Variants in SPATA17 observed in about 807,000 individuals in gnomAD.
The protein encoded by SPATA17 is spermatogenesis associated 17, also known as spermatogenesis-associated protein 17.
In SPATA17, 53 loss-of-function variants were observed where a neutral mutation model predicts 62.2. The observed-to-expected ratio is 0.85, with a 90% CI of 0.68 to 1.07. The LOEUF is 1.07. Ranked by LOEUF, SPATA17 falls within the 50% of genes least tolerant of loss-of-function variation. The probability of loss-of-function intolerance (pLI) is 0.00; values close to 1 mark genes in which losing one functional copy is unlikely to be tolerated. For missense variants in SPATA17, 466 were observed against 425.5 expected, an observed-to-expected ratio of 1.10 and a Z score of -0.84; for synonymous variants, 146 against 146.8, an observed-to-expected ratio of 0.99 and a Z score of 0.04.
intron 1 of SPATA17, among the ~76,000 whole-genome samples, chr1:217,637,155 T>G (rs962275179): frequency 9.2e-5 from 14 of 152,198 alleles, no homozygotes; most frequent in African/African-American, 3.1e-4. Flanking sequence ...TTATTGAATA[T>G]CTACTACATG....
chr1:217,662,818 T>C (rs189926816), intron 3 of SPATA17, among the ~76,000 whole-genome samples: 27 of 152,296 alleles, frequency 1.8e-4, no homozygotes, highest in African/African-American at 6.0e-4. Flanking sequence ...TATTTTTAGA[T>C]GAGAAAATGC....
intron 1 of SPATA17, among the ~76,000 whole-genome samples, chr1:217,635,114 T>C (rs1669907478): frequency 6.6e-6 from 1 of 152,214 alleles, no homozygotes; most frequent in African/African-American, 2.4e-5. Flanking sequence ...TTTCATCAAA[T>C]CTGTCAAATT....
At chr1:217,771,668 G>C (rs1467477844) in intron 6 of SPATA17, among the ~76,000 whole-genome samples, 1 of 152,050 alleles carries the variant, frequency 6.6e-6, no homozygotes, top group Non-Finnish European at 1.5e-5. Flanking sequence ...GACTTTAAAT[G>C]ATACATTTGA....
chr1:217,832,755 C>A (rs1048321083), intron 9 of SPATA17, among the ~76,000 whole-genome samples: 2 of 151,968 alleles, frequency 1.3e-5, no homozygotes, highest in African/African-American at 4.8e-5. Context: ...CCAGCCTGGG[C>A]AACATTGCAA....
intron 6 of SPATA17, among the ~76,000 whole-genome samples, chr1:217,761,982 T>C (rs2102963678): frequency 6.6e-6 from 1 of 152,300 alleles, no homozygotes; most frequent in East Asian, 1.9e-4. Flanking sequence ...GCATTCTCCG[T>C]CCTCATGCTG....
chr1:217,814,482 A>G (rs1282259647), intron 9 of SPATA17, among the ~76,000 whole-genome samples: 1 of 152,130 alleles, frequency 6.6e-6, no homozygotes, highest in African/African-American at 2.4e-5. Flanking sequence ...TAGTTTGCCT[A>G]TGAAATTTTC....
At chr1:217,784,884 T>C (rs1673821520) in intron 8 of SPATA17, 1 of 152,090 alleles carries the variant, frequency 6.6e-6, no homozygotes, top group Non-Finnish European at 1.5e-5. Flanking sequence ...AAAAGACAAT[T>C]TTTCTAAGTG....
intron 8 of SPATA17, among the ~76,000 whole-genome samples, chr1:217,795,872 C>T (rs1446027565): frequency 6.6e-6 from 1 of 151,980 alleles, no homozygotes; most frequent in Non-Finnish European, 1.5e-5. Flanking sequence ...GATCGTGACT[C>T]ACGGCAGCTT....
intron 6 of SPATA17, among the ~76,000 whole-genome samples, chr1:217,750,505 A>T (rs1457832427): frequency 6.6e-6 from 1 of 152,182 alleles, no homozygotes; most frequent in African/African-American, 2.4e-5. Context: ...AGTCACTGCT[A>T]TTTAGTATCA....
intron 9 of SPATA17, among the ~76,000 whole-genome samples, chr1:217,842,855 C>T (rs1001795380): frequency 2.0e-5 from 3 of 151,742 alleles, no homozygotes; most frequent in Admixed American, 6.6e-5. Flanking sequence ...TTATTTTCAC[C>T]CTTTATTTTT....
chr1:217,718,147 A>G (rs1433642566), intron 5 of SPATA17, among the ~76,000 whole-genome samples: 2 of 152,222 alleles, frequency 1.3e-5, no homozygotes, highest in East Asian at 3.9e-4. Flanking sequence ...AAGAGCTATC[A>G]ATACAGTAAA....
chr1:217,701,746 G>T (rs541913945), intron 5 of SPATA17, among the ~76,000 whole-genome samples: 31 of 151,986 alleles, frequency 2.0e-4, no homozygotes, highest in South Asian at 6.2e-4. Context: ...GCTTTTATTG[G>T]TGCTCGCATT....
chr1:217,653,349 A>G (rs1670366401), intron 3 of SPATA17, among the ~76,000 whole-genome samples: 1 of 152,198 alleles, frequency 6.6e-6, no homozygotes, highest in Non-Finnish European at 1.5e-5. Flanking sequence ...AGAGACTTTC[A>G]GGGTTTAAGT....
chr1:217,650,574 C>T (rs1019391250), intron 2 of SPATA17, among the ~76,000 whole-genome samples: 3 of 151,926 alleles, frequency 2.0e-5, no homozygotes, highest in Non-Finnish European at 4.4e-5. Context: ...GCACCGCCAC[C>T]ACACCTGGCT....
intron 7 of SPATA17, among the ~76,000 whole-genome samples, chr1:217,781,665 C>T (rs1298222754): frequency 6.6e-6 from 1 of 152,050 alleles, no homozygotes; most frequent in East Asian, 1.9e-4. Context: ...TATGGTTCTT[C>T]TGTGTTTAGG....
chr1:217,637,064 C>T (rs1571695898), intron 1 of SPATA17, among the ~76,000 whole-genome samples: 1 of 152,102 alleles, frequency 6.6e-6, no homozygotes, highest in Admixed American at 6.5e-5. Context: ...GACCAACTGT[C>T]AAATGTCCAC....
At chr1:217,714,698 G>A (rs1671960094) in intron 5 of SPATA17, among the ~76,000 whole-genome samples, 1 of 151,774 alleles carries the variant, frequency 6.6e-6, no homozygotes, top group Admixed American at 6.6e-5. Context: ...TGTTAGCCAG[G>A]ATGGTCTCGA....
chr1:217,829,375 C>A (rs895149891), intron 9 of SPATA17, among the ~76,000 whole-genome samples: 1 of 151,898 alleles, frequency 6.6e-6, no homozygotes, highest in Admixed American at 6.6e-5. Flanking sequence ...CGCCTGTAAT[C>A]CCAGTGCTTT....
chr1:217,834,408 C>T (rs2377709), intron 9 of SPATA17, among the ~76,000 whole-genome samples: 26,741 of 151,990 alleles, frequency 0.18, 2,964 homozygotes, highest in East Asian at 0.53. Context: ...TAGGAGATGA[C>T]AGCTCCATGT....
Sources: gnomAD v4.1 joint callset for allele counts (sites outside exome capture counted in the v4.1 genomes callset) on GRCh38, gnomAD v4.1.1 for gene constraint, MANE v1.5 for transcripts, NCBI Gene and HGNC (gene_info 2026-07-23, HGNC 2026-07-21) for gene names.